The following GABRA2 variants were observed in gnomAD, a reference collection of about 807,000 sequenced individuals.
The protein encoded by GABRA2 is gamma-aminobutyric acid type A receptor subunit alpha2, also known as gamma-aminobutyric acid receptor subunit alpha-2.
In GABRA2, 16 loss-of-function variants were observed where a neutral mutation model predicts 48.7. The ratio of observed to expected loss-of-function variants is 0.33; its 90% CI spans 0.22 to 0.50. GABRA2 has a LOEUF of 0.50. Among genes scored for constraint, GABRA2 ranks in the 20% least tolerant of loss-of-function variants. The pLI is 0.98. For missense variants in GABRA2, 275 were observed against 535.6 expected (o/e 0.51, Z 4.80); for synonymous variants, 185 against 184.5 (o/e 1.00, Z -0.02).
chr4:46,279,678 A>C (rs1214078068), intron 8 of GABRA2, among the ~76,000 whole-genome samples: 1 of 152,070 alleles, frequency 6.6e-6, no homozygotes. Context: ...CATTATTTGG[A>C]CTATCCTAAC....
At chr4:46,304,758 T>C (rs942956316) in intron 7 of GABRA2, among the ~76,000 whole-genome samples, 6 of 151,612 alleles carry the variant, frequency 4.0e-5, no homozygotes, top group African/African-American at 1.2e-4. Flanking sequence ...TGAAACCCCG[T>C]CTCTACTAAA....
chr4:46,327,039 T>C (rs1730508975), intron 4 of GABRA2, among the ~76,000 whole-genome samples: 1 of 151,938 alleles, frequency 6.6e-6, no homozygotes. Context: ...CCATCTTCAG[T>C]TCCACTGCCC....
At chr4:46,357,639 G>A (rs531947580) in intron 3 of GABRA2, among the ~76,000 whole-genome samples, 1 of 149,938 alleles carries the variant, frequency 6.7e-6, no homozygotes, top group South Asian at 2.1e-4. Flanking sequence ...CTGCCTTTGT[G>A]AAGCTTTTTT....
chr4:46,292,087 A>T (rs1723776891), intron 8 of GABRA2, among the ~76,000 whole-genome samples: 1 of 152,122 alleles, frequency 6.6e-6, no homozygotes, highest in Admixed American at 6.5e-5. Flanking sequence ...ATGGCTAGAG[A>T]GAGGCAAGGA....
In GABRA2 at chr4:46,247,550, C is replaced by CTATTTTA. The variant is rs1220805131; in HGVS notation, c.*2757_*2758insTAAAATA. 6.6e-6 allele frequency among the ~76,000 whole-genome samples: 1 copy of CTATTTTA among 150,956 alleles called. No homozygotes were observed. The highest frequency in any genetic ancestry group is 1.5e-5 in the Non-Finnish European group (1 of 67,370). ...GCTATAAAATAATGAGATTATATCT[C>CTATTTTA]TATATATGTACATGTATTTATCTAC... On this transcript the variant is annotated 3_prime_UTR_variant, in exon 10 of 10. Coordinates refer to ENST00000381620, the MANE Select transcript of GABRA2 (RefSeq NM_000807.4).
At chr4:46,387,332 T>A (rs1270838300) in intron 2 of GABRA2, among the ~76,000 whole-genome samples, 1 of 152,188 alleles carries the variant, frequency 6.6e-6, no homozygotes, top group Non-Finnish European at 1.5e-5. Flanking sequence ...TCAAGGTGCA[T>A]TGTATAAAAT....
At chr4:46,338,722 T>G (rs1440417844) in intron 3 of GABRA2, among the ~76,000 whole-genome samples, 9 of 151,896 alleles carry the variant, frequency 5.9e-5, no homozygotes, top group Admixed American at 5.9e-4. Flanking sequence ...AAAGATTATT[T>G]CCTCTCTGTT....
chr4:46,312,425 G>C (rs746715561), intron 5 of GABRA2, 71 bp downstream of exon 5: 8 of 974,072 alleles, frequency 8.2e-6, no homozygotes, highest in Non-Finnish European at 1.3e-5. Flanking sequence ...TTGACAGCTA[G>C]ATTGGCTGGT....
intron 3 of GABRA2, among the ~76,000 whole-genome samples, chr4:46,352,175 C>CT (rs1402140997): frequency 6.6e-6 from 1 of 151,960 alleles, no homozygotes; most frequent in African/African-American, 2.4e-5. Context: ...CAGAGAATCA[C>CT]TATAAATGAG....
chr4:46,269,313 C>A (rs1215580803), intron 8 of GABRA2, among the ~76,000 whole-genome samples: 3 of 151,630 alleles, frequency 2.0e-5, no homozygotes, highest in Non-Finnish European at 4.4e-5. Flanking sequence ...TGTATATATA[C>A]AGTTATGTGT....
intron 4 of GABRA2, among the ~76,000 whole-genome samples, chr4:46,312,973 T>C (rs1727905613): frequency 6.6e-6 from 1 of 151,920 alleles, no homozygotes; most frequent in Non-Finnish European, 1.5e-5. Flanking sequence ...CCTCTTTTAG[T>C]TGAACAAGGT....
intron 8 of GABRA2, among the ~76,000 whole-genome samples, chr4:46,263,453 G>A (rs990871187): frequency 1.3e-4 from 19 of 151,972 alleles, no homozygotes; most frequent in African/African-American, 3.9e-4. Context: ...CACCTAGATC[G>A]CCCATTGTCC....
Position 46,327,810 on chromosome 4 carries a change from C to A in GABRA2, c.255+4805G>T, listed in dbSNP as rs533652935. The stretch of plus-strand genomic sequence containing the variant: ...AAGGTCATACTTACCAGACTGCCTG[C>A]TTCTTAGCCTAATGGTAAACTCTGT... On this transcript the variant is annotated intron_variant, in intron 4 of 9. Transcript: ENST00000381620. Among the ~76,000 whole-genome samples the A allele has an allele frequency of 2.0e-5, 3 of 152,136 alleles. No homozygotes were observed. The East Asian group carries it at 5.8e-4, about 30-fold the overall frequency.
intron 9 of GABRA2, among the ~76,000 whole-genome samples, chr4:46,260,441 C>T (rs1183351689): frequency 6.6e-6 from 1 of 151,800 alleles, no homozygotes; most frequent in Non-Finnish European, 1.5e-5. Flanking sequence ...AGAGGTACTT[C>T]TGTTTTCCAA....
At chr4:46,350,227 G>C (rs1386829426) in intron 3 of GABRA2, among the ~76,000 whole-genome samples, 1 of 151,822 alleles carries the variant, frequency 6.6e-6, no homozygotes, top group Non-Finnish European at 1.5e-5. Flanking sequence ...CCAGTAAAAG[G>C]ATTTTTATTT....
intron 8 of GABRA2, among the ~76,000 whole-genome samples, chr4:46,299,639 C>T (rs1029835206): frequency 2.0e-5 from 3 of 150,174 alleles, no homozygotes; most frequent in East Asian, 1.9e-4. Context: ...GTCTGCTTTG[C>T]GTTGCTTATT....
intron 3 of GABRA2, among the ~76,000 whole-genome samples, chr4:46,374,474 C>T (rs772288705): frequency 1.3e-4 from 20 of 152,098 alleles, no homozygotes; most frequent in African/African-American, 4.3e-4. Flanking sequence ...ATCTAAATAA[C>T]GTATTTTGTA....
chr4:46,334,600 G>A (rs999972972), intron 3 of GABRA2, among the ~76,000 whole-genome samples: 1 of 152,146 alleles, frequency 6.6e-6, no homozygotes. Flanking sequence ...CTAAGGATAT[G>A]AATGGCATTC....
intron 8 of GABRA2, among the ~76,000 whole-genome samples, chr4:46,264,344 T>G (rs774832961): frequency 8.5e-5 from 13 of 152,128 alleles, no homozygotes; most frequent in African/African-American, 3.1e-4. Context: ...AGCTAGAACC[T>G]GTAGTATAAC....
Sources: gnomAD v4.1 joint callset for allele counts (sites outside exome capture counted in the v4.1 genomes callset) on GRCh38, gnomAD v4.1.1 for gene constraint, MANE v1.5 for transcripts, NCBI Gene and HGNC (gene_info 2026-07-23, HGNC 2026-07-21) for gene names.